LYPLAL1: variants seen among roughly 807,000 people sequenced by gnomAD.
The protein encoded by LYPLAL1 is lysophospholipase like 1.
Under a neutral mutation model 19.7 loss-of-function variants are expected in LYPLAL1, and 23 were observed. That is an observed-to-expected ratio of 1.17 (90% CI 0.84 to 1.65). LYPLAL1 has a LOEUF of 1.65. Ranked by LOEUF, LYPLAL1 falls within the 40% of genes most tolerant of loss-of-function variation. The pLI is 0.00. For synonymous variants in LYPLAL1, 119 were observed against 96.3 expected (o/e 1.24, Z -1.38); for missense variants, 355 against 279.4 (o/e 1.27, Z -1.93).
chr1:219,387,433 T>C, the LYPLAL1 span, among the ~76,000 whole-genome samples: 2 of 152,198 alleles, frequency 1.3e-5, no homozygotes, highest in Non-Finnish European at 2.9e-5. Context: ...TGGTGTGCTC[T>C]GAAAAGCCTT....
chr1:219,412,109 C>T, the LYPLAL1 span, among the ~76,000 whole-genome samples: 1 of 152,244 alleles, frequency 6.6e-6, no homozygotes, highest in African/African-American at 2.4e-5. Flanking sequence ...AATGAGATGG[C>T]ACCTTCTTAT....
At chr1:219,257,696 A>G in the LYPLAL1 span, among the ~76,000 whole-genome samples, 2 of 152,072 alleles carry the variant, frequency 1.3e-5, no homozygotes, top group Non-Finnish European at 2.9e-5. Flanking sequence ...CAAGGCAAAG[A>G]GCAAAATTAG....
At chr1:219,355,516 C>T in the LYPLAL1 span, among the ~76,000 whole-genome samples, 3 of 151,786 alleles carry the variant, frequency 2.0e-5, no homozygotes, top group Non-Finnish European at 2.9e-5. Flanking sequence ...TCAAAAAAAA[C>T]AAATCAAGAC....
the LYPLAL1 span, among the ~76,000 whole-genome samples, chr1:219,237,415 A>G: frequency 2.6e-5 from 4 of 152,214 alleles, no homozygotes; most frequent in African/African-American, 9.6e-5. Context: ...CCTGGGGAAA[A>G]GTTTTCAACA....
the LYPLAL1 span, among the ~76,000 whole-genome samples, chr1:219,361,640 A>G: frequency 6.6e-6 from 1 of 152,140 alleles, no homozygotes; most frequent in Non-Finnish European, 1.5e-5. Context: ...CCGATGTCCA[A>G]GAAGTCCAAG....
chr1:219,373,321 C>T, the LYPLAL1 span, among the ~76,000 whole-genome samples: 1 of 152,172 alleles, frequency 6.6e-6, no homozygotes, highest in Admixed American at 6.5e-5. Context: ...TCAAGATAGT[C>T]GTGGTAGCTA....
the LYPLAL1 span, among the ~76,000 whole-genome samples, chr1:219,257,360 T>C: frequency 2.9e-5 from 1 of 34,224 alleles, no homozygotes; most frequent in Non-Finnish European, 6.0e-5. Flanking sequence ...CCAGTTTTTG[T>C]TTTTTTTTTT....
chr1:219,300,489 AG>A, the LYPLAL1 span, among the ~76,000 whole-genome samples: 1 of 150,598 alleles, frequency 6.6e-6, no homozygotes, highest in South Asian at 2.1e-4. Flanking sequence ...GAGGGAAAAA[AG>A]GGGGGACGCT....
At chr1:219,306,277 A>G in the LYPLAL1 span, among the ~76,000 whole-genome samples, 4 of 152,330 alleles carry the variant, frequency 2.6e-5, no homozygotes, top group African/African-American at 9.6e-5. Flanking sequence ...TTTTATAAGT[A>G]ACCAAAGGTT....
At chr1:219,257,353 G>GTTTTTTTTTTTTTTTTTTTTTTTTTT in the LYPLAL1 span, among the ~76,000 whole-genome samples, 3 of 132,580 alleles carry the variant, frequency 2.3e-5, 1 homozygote, top group Non-Finnish European at 3.2e-5. Context: ...ATCCATACCA[G>GTTTTTTTTTTTTTTTTTTTTTTTTTT]TTTTTGTTTT....
the LYPLAL1 span, among the ~76,000 whole-genome samples, chr1:219,375,962 T>C: frequency 6.6e-6 from 1 of 152,018 alleles, no homozygotes; most frequent in Admixed American, 6.6e-5. Flanking sequence ...AGGATGGTCT[T>C]GATCTCCTGA....
At chr1:219,408,440 T>C in the LYPLAL1 span, among the ~76,000 whole-genome samples, 2 of 152,074 alleles carry the variant, frequency 1.3e-5, no homozygotes, top group African/African-American at 4.8e-5. Context: ...CACAGGCCAC[T>C]AAGAGCTTGT....
the LYPLAL1 span, among the ~76,000 whole-genome samples, chr1:219,258,552 A>T: frequency 6.6e-6 from 1 of 152,084 alleles, no homozygotes; most frequent in African/African-American, 2.4e-5. Flanking sequence ...GCATATTGTT[A>T]AATTTCAACA....
At chr1:219,378,932 G>A in the LYPLAL1 span, among the ~76,000 whole-genome samples, 6 of 152,160 alleles carry the variant, frequency 3.9e-5, no homozygotes. Context: ...TACCAAGGGG[G>A]AGAGCTTGTT....
At chr1:219,293,464 C>A in the LYPLAL1 span, among the ~76,000 whole-genome samples, 3 of 152,136 alleles carry the variant, frequency 2.0e-5, no homozygotes, top group South Asian at 2.1e-4. Flanking sequence ...GCTCTCTCCC[C>A]TCCCCCAACT....
chr1:219,317,044 TTTATG>T, the LYPLAL1 span, among the ~76,000 whole-genome samples: 2 of 152,186 alleles, frequency 1.3e-5, no homozygotes, highest in Non-Finnish European at 2.9e-5. Flanking sequence ...GATGGTCAAT[TTTATG>T]TTATAGGTAT....
the LYPLAL1 span, among the ~76,000 whole-genome samples, chr1:219,400,767 C>T: frequency 5.3e-5 from 8 of 152,092 alleles, no homozygotes; most frequent in South Asian, 4.1e-4. Flanking sequence ...CCTAGAGTGC[C>T]GGGATTATAG....
At chr1:219,329,576 G>T in the LYPLAL1 span, among the ~76,000 whole-genome samples, 1 of 152,142 alleles carries the variant, frequency 6.6e-6, no homozygotes, top group African/African-American at 2.4e-5. Flanking sequence ...CTAAATAGCC[G>T]TGTCTATTTT....
At chr1:219,219,094 G>A in the LYPLAL1 span, among the ~76,000 whole-genome samples, 1 of 152,162 alleles carries the variant, frequency 6.6e-6, no homozygotes. Context: ...GCCATTCACA[G>A]CATCCATAGC....
Sources: gnomAD v4.1 joint callset for allele counts (sites outside exome capture counted in the v4.1 genomes callset) on GRCh38, gnomAD v4.1.1 for gene constraint, MANE v1.5 for transcripts, NCBI Gene and HGNC (gene_info 2026-07-23, HGNC 2026-07-21) for gene names.